Variants in EVI5 observed in about 807,000 individuals in gnomAD.
EVI5 encodes the protein ecotropic viral integration site 5 protein homolog.
Under a neutral mutation model 112.0 loss-of-function variants are expected in EVI5, and 73 were observed. The observed-to-expected ratio is 0.65, with a 90% CI of 0.54 to 0.79. The LOEUF is 0.79. EVI5 is among the 30% of genes least tolerant of loss of function. The pLI is 0.00. For synonymous variants in EVI5, 305 were observed against 319.9 expected, an observed-to-expected ratio of 0.95 and a Z score of 0.50; for missense variants, 900 against 968.8, an observed-to-expected ratio of 0.93 and a Z score of 0.94.
At chr1:92,751,388 T>G (rs1029574537) in intron 1 of EVI5, among the ~76,000 whole-genome samples, 3 of 152,168 alleles carry the variant, frequency 2.0e-5, no homozygotes, top group African/African-American at 7.2e-5. Context: ...CCTCAACATA[T>G]TCGAGCATAT....
chr1:92,616,129 G>A (rs1653076159), intron 16 of EVI5, among the ~76,000 whole-genome samples: 1 of 152,216 alleles, frequency 6.6e-6, no homozygotes, highest in Non-Finnish European at 1.5e-5. Context: ...GTTTAATGTA[G>A]AGGATGGAAT....
rs1404438218 is a variant in EVI5 at position 92,511,904 on chromosome 1, T to C, written c.*1752A>G. ...AACTACTTTTATCTCTTCTACTCTATTTCATATTTTTTTTTTTGCCGCATG... is the reference window on the plus strand; with the variant it reads ...AACTACTTTTATCTCTTCTACTCTACTTCATATTTTTTTTTTTGCCGCATG... On this transcript the variant is annotated 3_prime_UTR_variant, in exon 20 of 20. Coordinates refer to ENST00000684568, the MANE Select transcript of EVI5 (RefSeq NM_001350197.2). The C allele has an allele frequency of 6.6e-6, 1 of 152,064 alleles. No individual in the cohort carries two copies. The highest frequency in any genetic ancestry group is 6.6e-5 in the Admixed American group (1 of 15,260). 9.4% of individuals were successfully genotyped at this position (152,064 alleles called of 1,614,324 possible). A position where few individuals can be genotyped will look rare whatever the true frequency, so the allele number is the denominator to read the frequency against.
At chr1:92,642,120 T>C (rs2101966385) in intron 13 of EVI5, among the ~76,000 whole-genome samples, 1 of 152,126 alleles carries the variant, frequency 6.6e-6, no homozygotes, top group East Asian at 1.9e-4. Flanking sequence ...AACAGAGCGA[T>C]ACTCCATCCC....
chr1:92,642,492 G>T (rs1458259558), intron 13 of EVI5, among the ~76,000 whole-genome samples: 1 of 152,126 alleles, frequency 6.6e-6, no homozygotes, highest in Non-Finnish European at 1.5e-5. Flanking sequence ...TTTTTAGAGA[G>T]ACCTATATCA....
At chr1:92,655,165 A>G (rs1203206007) in intron 13 of EVI5, among the ~76,000 whole-genome samples, 7 of 152,036 alleles carry the variant, frequency 4.6e-5, no homozygotes. Context: ...CTTCACCAAC[A>G]CATATACTCA....
At chr1:92,769,075 T>C (rs997171836) in intron 1 of EVI5, among the ~76,000 whole-genome samples, 2 of 152,216 alleles carry the variant, frequency 1.3e-5, no homozygotes, top group Admixed American at 1.3e-4. Context: ...CAAGGTTACT[T>C]ACCAAGAACC....
intron 13 of EVI5, among the ~76,000 whole-genome samples, chr1:92,636,574 C>A (rs558428815): frequency 6.6e-6 from 1 of 152,128 alleles, no homozygotes; most frequent in African/African-American, 2.4e-5. Context: ...CTAGTTATTA[C>A]GCTGATCAAA....
At chr1:92,530,331 C>G (rs1040973502) in intron 19 of EVI5, among the ~76,000 whole-genome samples, 1 of 152,226 alleles carries the variant, frequency 6.6e-6, no homozygotes, top group East Asian at 1.9e-4. Flanking sequence ...GGACGAAGCA[C>G]CTGGGGGAAG....
chr1:92,750,991 A>ATT (rs1680104720), intron 1 of EVI5, among the ~76,000 whole-genome samples: 1 of 152,140 alleles, frequency 6.6e-6, no homozygotes, highest in African/African-American at 2.4e-5. Context: ...TCTACTAAAA[A>ATT]TACAAAAAAT....
intron 1 of EVI5, among the ~76,000 whole-genome samples, chr1:92,752,935 T>C (rs1680412881): frequency 6.6e-6 from 1 of 152,088 alleles, no homozygotes; most frequent in Non-Finnish European, 1.5e-5. Context: ...ATAGACATGG[T>C]CCTTTCCCTC....
chr1:92,660,400 T>C (rs1366046566), intron 13 of EVI5, among the ~76,000 whole-genome samples: 3 of 151,976 alleles, frequency 2.0e-5, no homozygotes, highest in African/African-American at 7.2e-5. Flanking sequence ...GAGAATACAA[T>C]AGTGGTTACT....
At chr1:92,640,483 G>A (rs935459994) in intron 13 of EVI5, among the ~76,000 whole-genome samples, 25 of 152,008 alleles carry the variant, frequency 1.6e-4, no homozygotes, top group African/African-American at 5.8e-4. Flanking sequence ...ACATTTACAC[G>A]GCCAAAAAAC....
chr1:92,651,983 CTCTACT>C (rs1662209616), intron 13 of EVI5, among the ~76,000 whole-genome samples: 1 of 152,062 alleles, frequency 6.6e-6, no homozygotes, highest in African/African-American at 2.4e-5. Flanking sequence ...GATCCAGCAA[CTCTACT>C]TCTAGGTATA....
rs114543644 is a variant in EVI5 at position 92,567,556 on chromosome 1, G to A, written c.2071-3819C>T. ...GACCATTGTGTTACAACCGCCTACA[G>A]TATTCAGTAGAGTAACATGTTGTAT... On this transcript the variant is annotated intron_variant, in intron 18 of 19. Transcript: ENST00000684568. Among the ~76,000 whole-genome samples the A allele has an allele frequency of 2.7e-3, 417 of 152,172 alleles. 6 individuals carry two copies. Among genetic ancestry groups the A allele is most frequent in the African/African-American group, 9.7e-3 (404 of 41,462 alleles).
chr1:92,641,499 G>C (rs1227156549), intron 13 of EVI5, among the ~76,000 whole-genome samples: 1 of 152,098 alleles, frequency 6.6e-6, no homozygotes, highest in Admixed American at 6.5e-5. Context: ...TAATTGAAAT[G>C]CCTATGTAGC....
chr1:92,535,217 A>G (rs1663655265), intron 19 of EVI5, among the ~76,000 whole-genome samples: 1 of 152,200 alleles, frequency 6.6e-6, no homozygotes. Flanking sequence ...ACAATGAGAT[A>G]CCATCTCATA....
intron 19 of EVI5, among the ~76,000 whole-genome samples, chr1:92,516,894 AAAAG>A (rs996276581): frequency 1.2e-4 from 18 of 152,332 alleles, no homozygotes; most frequent in African/African-American, 3.8e-4. Context: ...CAAAAAAAAA[AAAAG>A]AAAAAAATCC....
intron 1 of EVI5, among the ~76,000 whole-genome samples, chr1:92,747,118 A>C (rs1243659001): frequency 6.6e-6 from 1 of 152,094 alleles, no homozygotes; most frequent in Non-Finnish European, 1.5e-5. Flanking sequence ...TCAAAATATA[A>C]TAATACAATT....
chr1:92,712,661 A>G (rs1673020997), intron 2 of EVI5, among the ~76,000 whole-genome samples: 1 of 152,168 alleles, frequency 6.6e-6, no homozygotes, highest in African/African-American at 2.4e-5. Context: ...ATGAAGATCT[A>G]CAGACCTTTC....
Sources: allele counts gnomAD v4.1 joint callset (sites outside exome capture counted in the v4.1 genomes callset), GRCh38; gene constraint gnomAD v4.1.1; transcripts MANE v1.5; gene names NCBI Gene and HGNC (gene_info 2026-07-23, HGNC 2026-07-21).